The following WWOX variants were observed in gnomAD, a reference collection of about 807,000 sequenced individuals.
WWOX encodes the protein WW domain containing oxidoreductase, also known as WW domain-containing oxidoreductase.
A neutral mutation model predicts 46.2 loss-of-function variants in WWOX; 69 were observed. The observed-to-expected ratio is 1.49, with a 90% CI of 1.23 to 1.82. WWOX has a LOEUF of 1.82. WWOX is among the 40% of genes most tolerant of loss of function. The pLI is 0.00. For missense variants in WWOX, 919 were observed against 542.6 expected (o/e 1.69, Z -6.89); for synonymous variants, 359 against 202.6 (o/e 1.77, Z -6.56).
chr16:78,461,464 G>A (rs2667629), intron 8 of WWOX, among the ~76,000 whole-genome samples: 40,687 of 152,138 alleles, frequency 0.27, 6,391 homozygotes, highest in African/African-American at 0.44. Context: ...CCAAACAAGT[G>A]GAATGTGTGC....
chr16:78,794,437 T>C (rs1186783398), intron 8 of WWOX, among the ~76,000 whole-genome samples: 1 of 152,196 alleles, frequency 6.6e-6, no homozygotes, highest in African/African-American at 2.4e-5. Context: ...GATTATTTTG[T>C]CATAAAAGCC....
At chr16:78,385,785 C>T (rs947340508) in intron 5 of WWOX, among the ~76,000 whole-genome samples, 4 of 152,302 alleles carry the variant, frequency 2.6e-5, no homozygotes, top group African/African-American at 4.8e-5. Context: ...CCAAGTCAAC[C>T]GTTTGTTTTA....
Position 78,321,339 on chromosome 16 carries a change from TATATATATACGTATATATGC to T in WWOX, c.517-65520_517-65501del, listed in dbSNP as rs2080470482. Among the ~76,000 whole-genome samples, 5 of 58,684 alleles carry T rather than the reference TATATATATACGTATATATGC, an allele frequency of 8.5e-5. 1 individual carries two copies. Among genetic ancestry groups the T allele is most frequent in the East Asian group, 2.4e-3 (2 of 846 alleles). The allele number at this position is 58,684 out of a possible 152,430, so 38.5% of individuals were successfully genotyped here. A position where few individuals can be genotyped will look rare whatever the true frequency, so the allele number is the denominator to read the frequency against. ...GCGTATATATATACGTATATATGCG[TATATATATACGTATATATGC>T]GTATATATATACGTATATATGCGTA... is the stretch of plus-strand genomic sequence containing the variant. On this transcript the variant is annotated intron_variant, in intron 5 of 8. Coordinates refer to ENST00000566780, the MANE Select transcript of WWOX (RefSeq NM_016373.4).
chr16:78,544,563 A>G (rs557532729), intron 8 of WWOX, among the ~76,000 whole-genome samples: 14 of 152,316 alleles, frequency 9.2e-5, no homozygotes, highest in African/African-American at 3.1e-4. Flanking sequence ...ACTCATTGCA[A>G]TGCACAGTGG....
intron 8 of WWOX, among the ~76,000 whole-genome samples, chr16:78,939,928 A>G (rs981897661): frequency 1.3e-5 from 2 of 152,226 alleles, no homozygotes; most frequent in African/African-American, 4.8e-5. Flanking sequence ...AGTTTACCCA[A>G]TTCGACTGCC....
At chr16:78,650,778 G>A (rs1173249242) in intron 8 of WWOX, among the ~76,000 whole-genome samples, 2 of 152,106 alleles carry the variant, frequency 1.3e-5, no homozygotes, top group African/African-American at 4.8e-5. Flanking sequence ...GTCTCCCCCT[G>A]TCCCACAAAT....
chr16:78,379,283 C>A (rs747124566), intron 5 of WWOX, among the ~76,000 whole-genome samples: 2 of 152,192 alleles, frequency 1.3e-5, no homozygotes, highest in Non-Finnish European at 2.9e-5. Context: ...ATCCAATCAG[C>A]ATCAATGGGT....
intron 8 of WWOX, among the ~76,000 whole-genome samples, chr16:78,599,524 G>C (rs2045571943): frequency 6.6e-6 from 1 of 152,324 alleles, no homozygotes; most frequent in Non-Finnish European, 1.5e-5. Flanking sequence ...CCCTGGTCAT[G>C]TGTAGACATG....
chr16:78,504,093 A>T (rs2085135315), intron 8 of WWOX, among the ~76,000 whole-genome samples: 1 of 152,218 alleles, frequency 6.6e-6, no homozygotes, highest in African/African-American at 2.4e-5. Flanking sequence ...TTTTATGATT[A>T]ATTCTCCTAT....
intron 7 of WWOX, among the ~76,000 whole-genome samples, chr16:78,425,658 T>A (rs545212183): frequency 6.6e-6 from 1 of 152,214 alleles, no homozygotes; most frequent in Non-Finnish European, 1.5e-5. Context: ...AATTTCCTCG[T>A]ATTTTCAGCA....
intron 5 of WWOX, among the ~76,000 whole-genome samples, chr16:78,339,754 TTC>T (rs1223509939): frequency 3.4e-5 from 4 of 117,792 alleles, no homozygotes; most frequent in African/African-American, 1.2e-4. Flanking sequence ...TTTTGTGGCT[TTC>T]TGTGTTGTTC....
At chr16:78,980,078 A>C (rs552629909) in intron 8 of WWOX, among the ~76,000 whole-genome samples, 101 of 152,316 alleles carry the variant, frequency 6.6e-4, no homozygotes, top group African/African-American at 2.3e-3. Flanking sequence ...TAGTAAGCTG[A>C]GATTGCACCA....
intron 8 of WWOX, among the ~76,000 whole-genome samples, chr16:78,800,238 G>T (rs1243461534): frequency 2.1e-5 from 3 of 140,976 alleles, no homozygotes; most frequent in African/African-American, 5.4e-5. Context: ...AATGTTCATT[G>T]TTCCATGGCA....
At chr16:78,764,253 C>A (rs1487908312) in intron 8 of WWOX, among the ~76,000 whole-genome samples, 3 of 151,830 alleles carry the variant, frequency 2.0e-5, no homozygotes, top group African/African-American at 7.3e-5. Context: ...GCTCCGCCTT[C>A]CTGCCAGAAT....
intron 8 of WWOX, among the ~76,000 whole-genome samples, chr16:79,038,579 C>G (rs780517597): frequency 6.6e-6 from 1 of 152,112 alleles, no homozygotes; most frequent in Non-Finnish European, 1.5e-5. Flanking sequence ...GACAGAGTTT[C>G]TCTCTTGTCA....
chr16:78,410,636 G>A (rs1016241159), intron 6 of WWOX, among the ~76,000 whole-genome samples: 5 of 151,390 alleles, frequency 3.3e-5, no homozygotes, highest in Admixed American at 2.0e-4. Context: ...ATGGTGAAAC[G>A]CCATACTAAA....
intron 8 of WWOX, among the ~76,000 whole-genome samples, chr16:79,056,183 C>T (rs1434943163): frequency 6.8e-6 from 1 of 147,212 alleles, no homozygotes; most frequent in South Asian, 2.2e-4. Flanking sequence ...CTTCTTTGGT[C>T]TTTAGTGCTA....
chr16:78,614,795 G>GT (rs1402988372), intron 8 of WWOX, among the ~76,000 whole-genome samples: 4 of 152,176 alleles, frequency 2.6e-5, no homozygotes, highest in African/African-American at 7.2e-5. Context: ...GTTTTTAAAT[G>GT]TTTTTTTAAG....
chr16:78,247,424 C>A (rs754357352), intron 5 of WWOX, among the ~76,000 whole-genome samples: 4 of 152,072 alleles, frequency 2.6e-5, no homozygotes, highest in African/African-American at 4.8e-5. Context: ...GCAAAAGATG[C>A]CTCTGGGGAT....
Sources: allele counts gnomAD v4.1 joint callset (sites outside exome capture counted in the v4.1 genomes callset), GRCh38; gene constraint gnomAD v4.1.1; transcripts MANE v1.5; gene names NCBI Gene and HGNC (gene_info 2026-07-23, HGNC 2026-07-21).